Variants in DMBX1 observed in about 807,000 individuals in gnomAD.
DMBX1 encodes diencephalon/mesencephalon homeobox protein 1.
DMBX1 carries 7 observed loss-of-function variants against 30.4 expected under a neutral mutation model. That is an observed-to-expected ratio of 0.23 (90% CI 0.13 to 0.43). The LOEUF (loss-of-function observed/expected upper bound fraction) is 0.43, where lower values mean the gene tolerates loss of function less well. DMBX1 is among the 20% of genes least tolerant of loss of function. DMBX1 has a pLI of 1.00. For synonymous variants in DMBX1, 222 were observed against 214.2 expected (o/e 1.04, Z -0.32); for missense variants, 460 against 508.5 (o/e 0.90, Z 0.92).
chr1:46,494,952 G>A (rs1557784131), intron 2 of DMBX1, among the ~76,000 whole-genome samples: 1 of 152,222 alleles, frequency 6.6e-6, no homozygotes, highest in South Asian at 2.1e-4. Flanking sequence ...TGGCCAAGGT[G>A]AGGGCAGTGA....
intron 2 of DMBX1, among the ~76,000 whole-genome samples, chr1:46,499,436 G>A (rs1032125402): frequency 2.0e-5 from 3 of 152,184 alleles, no homozygotes; most frequent in African/African-American, 7.2e-5. Flanking sequence ...TGTGCGACTG[G>A]GGTTGGGAAA....
intron 2 of DMBX1, among the ~76,000 whole-genome samples, chr1:46,497,415 T>A (rs1409965981): frequency 6.6e-6 from 1 of 152,182 alleles, no homozygotes; most frequent in Non-Finnish European, 1.5e-5. Flanking sequence ...TCAGAGAATG[T>A]TTGTTTCCTC....
chr1:46,497,625 C>T (rs905661094), intron 2 of DMBX1, among the ~76,000 whole-genome samples: 3 of 152,192 alleles, frequency 2.0e-5, no homozygotes, highest in East Asian at 1.9e-4. Context: ...TAATCAAAGA[C>T]GTCTTGCATG....
intron 2 of DMBX1, among the ~76,000 whole-genome samples, chr1:46,503,361 T>G (rs554208816): frequency 7.3e-4 from 111 of 152,380 alleles, no homozygotes; most frequent in African/African-American, 2.4e-3. Flanking sequence ...ACATATATTT[T>G]TATTCATTGT....
Position 46,493,791 on chromosome 1 carries a change from C to G in DMBX1, c.-13+3008C>G, listed in dbSNP as rs1665975061. ...CATCTGTCAGTGTGCAGAGCAGGAGCCGCAACCGCGCTTTCTGCGCCCGCA... is the reference window on the plus strand; with the variant it reads ...CATCTGTCAGTGTGCAGAGCAGGAGGCGCAACCGCGCTTTCTGCGCCCGCA... On this transcript the variant is annotated intron_variant, in intron 2 of 5. Transcript: ENST00000360032. This position sits in a 1 kb window ranked among gnomAD's most constrained non-coding sequence, Gnocchi z 4.1. Among the ~76,000 whole-genome samples, 1 of 152,240 alleles carries G rather than the reference C, an allele frequency of 6.6e-6. No homozygotes were observed. The highest frequency in any genetic ancestry group is 1.5e-5 in the Non-Finnish European group (1 of 68,034).
intron 3 of DMBX1, among the ~76,000 whole-genome samples, chr1:46,508,876 C>T (rs1666293631): frequency 7.6e-6 from 1 of 131,174 alleles, no homozygotes; most frequent in Non-Finnish European, 1.6e-5. Context: ...TGAGCTGTTG[C>T]TCCTTCCCCA....
chr1:46,508,257 C>T (rs1185533233), intron 3 of DMBX1, among the ~76,000 whole-genome samples: 2 of 152,146 alleles, frequency 1.3e-5, no homozygotes, highest in Non-Finnish European at 2.9e-5. Context: ...GGAGGGTATC[C>T]AAGGTCAAAT....
rs1318377034 is a variant in DMBX1, at chr1:46,490,739, C to T, written c.-57C>T. On this transcript the variant is annotated 5_prime_UTR_variant, in exon 2 of 6. Transcript: ENST00000360032. ...AGTTGAGGGTGGTTCGGCGCTCAGC[C>T]AGCCTCTGCCCTCGAAGACGCGGCC... Among the ~76,000 whole-genome samples, 1 of 152,264 alleles carries T rather than the reference C, an allele frequency of 6.6e-6. No individual in the cohort carries two copies. Among genetic ancestry groups the T allele is most frequent in the African/African-American group, 2.4e-5 (1 of 41,474 alleles).
In DMBX1 at chr1:46,507,040, A is replaced by C; in HGVS notation, c.30A>C (p.Ser10=). Residue 10 remains serine, a synonymous_variant, in exon 3 of 6, where the codon TCA becomes TCC. Coordinates refer to ENST00000360032, the MANE Select transcript of DMBX1 (RefSeq NM_172225.2). The stretch of plus-strand genomic sequence containing the variant: ...AGCACTACGGGGTGAACGGCTACTC[A>C]CTGCACGCCATGAACTCACTCAGCG... MQHYGVNGY[S]LHAMNSLSAM... 1 of 1,614,150 alleles carries C rather than the reference A, an allele frequency of 6.2e-7. No individual in the cohort carries two copies. The highest frequency in any genetic ancestry group is 8.5e-7 in the Non-Finnish European group (1 of 1,180,018).
Position 46,512,103 on chromosome 1 carries a change from C to T in DMBX1, c.743C>T (p.Ser248Phe), listed in dbSNP as rs139786857. The T allele has an allele frequency of 2.2e-4, 350 of 1,613,714 alleles. 1 individual carries two copies. The highest frequency in any genetic ancestry group is 2.7e-4 in the Non-Finnish European group (317 of 1,179,962). Residue 248 changes from serine (S) to phenylalanine (F), a missense_variant, in exon 6 of 6, where the codon TCC becomes TTC. This residue lies in a region of DMBX1 where 334 missense variants were observed against 345.1 expected (regional missense o/e 0.97). Coordinates refer to ENST00000360032, the MANE Select transcript of DMBX1 (RefSeq NM_172225.2). The surrounding 1 kb of genome is among the most constrained non-coding windows in gnomAD (Gnocchi z 4.8). ...VAPGGGLLGP[S>F]HSYSSSPLSL... The stretch of plus-strand genomic sequence containing the variant: ...CCAGGGGGTGGCCTCCTGGGCCCCT[C>T]CCACTCCTATTCCTCGTCCCCGCTG...
At chr1:46,501,293 CT>C (rs1428625840) in intron 2 of DMBX1, among the ~76,000 whole-genome samples, 1 of 119,972 alleles carries the variant, frequency 8.3e-6, no homozygotes, top group Non-Finnish European at 1.7e-5. Flanking sequence ...CTTTCCTTCT[CT>C]CTTTTTTTCT....
At chr1:46,508,285 C>A (rs759408732) in intron 3 of DMBX1, among the ~76,000 whole-genome samples, 1 of 152,334 alleles carries the variant, frequency 6.6e-6, no homozygotes, top group South Asian at 2.1e-4. Context: ...CAGCTCAGAG[C>A]AGCAGGATCA....
Position 46,513,319 on chromosome 1 carries a change from C to T in DMBX1, c.*825C>T, listed in dbSNP as rs372957027. 1.3e-5 allele frequency: 2 copies of T among 152,232 alleles called. No individual in the cohort carries two copies. Among genetic ancestry groups the T allele is most frequent in the Non-Finnish European group, 2.9e-5 (2 of 68,070 alleles). 9.4% of individuals were successfully genotyped at this position (152,232 alleles called of 1,614,324 possible). The stretch of plus-strand genomic sequence containing the variant: ...TCCTTTCTATGCCCAATAGAAGCAA[C>T]AAGGCCCTAGCTGGAGACTCTGGGG... On this transcript the variant is annotated 3_prime_UTR_variant, in exon 6 of 6. Coordinates refer to ENST00000360032, the MANE Select transcript of DMBX1 (RefSeq NM_172225.2).
chr1:46,490,270 G>A (rs1665904578), intron 1 of DMBX1, among the ~76,000 whole-genome samples: 1 of 152,352 alleles, frequency 6.6e-6, no homozygotes, highest in East Asian at 1.9e-4. Context: ...CGAGGACGAA[G>A]GCCTTGGCCC....
intron 2 of DMBX1, among the ~76,000 whole-genome samples, chr1:46,499,783 T>C (rs2148483856): frequency 6.6e-6 from 1 of 152,270 alleles, no homozygotes; most frequent in East Asian, 1.9e-4. Flanking sequence ...TCTAGTCTAG[T>C]TGGGGAGATA....
chr1:46,501,213 C>CCTTTCTTTCTTT (rs764250449), intron 2 of DMBX1, among the ~76,000 whole-genome samples: 60 of 74,558 alleles, frequency 8.0e-4, no homozygotes, highest in South Asian at 7.9e-3. Context: ...TTCCTTCCTT[C>CCTTTCTTTCTTT]CTTTCTTTCT....
intron 2 of DMBX1, among the ~76,000 whole-genome samples, chr1:46,506,097 G>T (rs576256383): frequency 6.6e-6 from 1 of 151,058 alleles, no homozygotes; most frequent in African/African-American, 2.4e-5. Flanking sequence ...TCGCTCTGTC[G>T]CCCAGGCTGG....
intron 2 of DMBX1, among the ~76,000 whole-genome samples, chr1:46,497,450 T>C (rs978639933): frequency 6.6e-6 from 1 of 152,172 alleles, no homozygotes; most frequent in Non-Finnish European, 1.5e-5. Context: ...TTTCCTTTCC[T>C]CTAAGTAAAG....
chr1:46,497,720 G>A (rs1212541628), intron 2 of DMBX1, among the ~76,000 whole-genome samples: 1 of 152,242 alleles, frequency 6.6e-6, no homozygotes, highest in Non-Finnish European at 1.5e-5. Flanking sequence ...CTAGGCATTA[G>A]GCCGCAGCCA....
Sources: allele counts gnomAD v4.1 joint callset (sites outside exome capture counted in the v4.1 genomes callset), GRCh38; gene constraint gnomAD v4.1.1; regional missense constraint gnomAD v4.1.1; non-coding constraint Gnocchi (gnomAD v3.1); transcripts MANE v1.5; gene names NCBI Gene and HGNC (gene_info 2026-07-23, HGNC 2026-07-21).